Variants in HDAC9 observed in about 807,000 individuals in gnomAD.
The protein encoded by HDAC9 is histone deacetylase 9, also known as MEF-2 interacting transcription repressor (MITR) protein.
Under a neutral mutation model 139.4 loss-of-function variants are expected in HDAC9, and 41 were observed. The ratio of observed to expected loss-of-function variants is 0.29; its 90% CI spans 0.23 to 0.38. The LOEUF is 0.38. Among genes scored for constraint, HDAC9 ranks in the 10% least tolerant of loss-of-function variants. The pLI is 1.00. For synonymous variants in HDAC9, 517 were observed against 476.2 expected (o/e 1.09, Z -1.12); for missense variants, 1,147 against 1,297.0 (o/e 0.88, Z 1.78).
chr7:18,952,947 T>A (rs1782902510), intron 23 of HDAC9, among the ~76,000 whole-genome samples: 1 of 151,920 alleles, frequency 6.6e-6, no homozygotes, highest in South Asian at 2.1e-4. Flanking sequence ...TGTATAAATA[T>A]CCCTGAGCTA....
chr7:18,976,561 G>GTATC (rs1784565196), intron 25 of HDAC9, among the ~76,000 whole-genome samples: 4 of 152,184 alleles, frequency 2.6e-5, no homozygotes, highest in Admixed American at 2.6e-4. Flanking sequence ...TGGTTTTAAT[G>GTATC]TATCTTCTTA....
At chr7:18,976,513 T>G (rs1050389762) in intron 25 of HDAC9, among the ~76,000 whole-genome samples, 79 of 152,176 alleles carry the variant, frequency 5.2e-4, no homozygotes, top group African/African-American at 1.8e-3. Flanking sequence ...TGTGTGAACT[T>G]GGGGCTGATT....
chr7:18,206,464 C>G (rs1226513696), intron 2 of HDAC9, among the ~76,000 whole-genome samples: 3 of 151,990 alleles, frequency 2.0e-5, no homozygotes, highest in Non-Finnish European at 4.4e-5. Context: ...GTAAATAAAT[C>G]CCAATGGAGG....
At chr7:18,787,627 T>A (rs2129175506) in intron 16 of HDAC9, among the ~76,000 whole-genome samples, 1 of 152,314 alleles carries the variant, frequency 6.6e-6, no homozygotes, top group African/African-American at 2.4e-5. Flanking sequence ...TAGGAATATT[T>A]AGGGATTTCC....
At chr7:18,662,874 G>A (rs1047333230) in intron 11 of HDAC9, among the ~76,000 whole-genome samples, 2 of 152,084 alleles carry the variant, frequency 1.3e-5, no homozygotes, top group African/African-American at 4.8e-5. Flanking sequence ...CAGCATGATC[G>A]TAATTTGTTT....
chr7:18,098,052 C>T (rs1253647056), intron 1 of HDAC9, among the ~76,000 whole-genome samples: 2 of 152,116 alleles, frequency 1.3e-5, no homozygotes, highest in Non-Finnish European at 2.9e-5. Flanking sequence ...GCCCTTTTAC[C>T]CTTTCTGGTC....
chr7:18,390,879 A>G (rs1000960024), intron 1 of HDAC9, among the ~76,000 whole-genome samples: 5 of 152,186 alleles, frequency 3.3e-5, no homozygotes, highest in Non-Finnish European at 1.5e-5. Flanking sequence ...ACTTGAGGTG[A>G]GTAGTTCAAG....
Position 18,647,900 on chromosome 7 carries a change from T to C in HDAC9, c.1151T>C (p.Val384Ala). ...SIPASSSHPH[V>A]TLEGKPPNSS... Reference sequence around the variant, plus strand: ...CCGGCATCTTCCAGCCACCCTCATGTTACTTTAGAGGGAAAGCCACCCAAC... The same window carrying C: ...CCGGCATCTTCCAGCCACCCTCATGCTACTTTAGAGGGAAAGCCACCCAAC... Residue 384 changes from valine to alanine, a missense_variant, in exon 10 of 26, where the codon GTT (valine) becomes GCT (alanine). This residue lies in a region of HDAC9 where 264 missense variants were observed against 273.8 expected (regional missense o/e 0.96). Coordinates refer to ENST00000686413, the MANE Select transcript of HDAC9 (RefSeq NM_178425.4). The C allele has an allele frequency of 1.9e-6, 3 of 1,612,992 alleles. No homozygotes were observed. Among genetic ancestry groups the C allele is most frequent in the Non-Finnish European group, 2.5e-6 (3 of 1,179,502 alleles).
At chr7:18,430,262 T>TATA (rs2128761340) in intron 1 of HDAC9, among the ~76,000 whole-genome samples, 1 of 152,296 alleles carries the variant, frequency 6.6e-6, no homozygotes, top group African/African-American at 2.4e-5. Context: ...CTTGCTCTAT[T>TATA]GCCCAGGCTG....
chr7:18,967,057 A>T (rs1429821968), intron 24 of HDAC9, among the ~76,000 whole-genome samples: 1 of 152,252 alleles, frequency 6.6e-6, no homozygotes, highest in Admixed American at 6.5e-5. Flanking sequence ...GATATTCATT[A>T]TTCATCAGGG....
intron 6 of HDAC9, among the ~76,000 whole-genome samples, chr7:18,627,812 T>C (rs1842101911): frequency 1.3e-5 from 2 of 152,132 alleles, no homozygotes; most frequent in South Asian, 4.1e-4. Context: ...CTTTTGGTTT[T>C]TTTATCTTTT....
chr7:18,746,098 T>C (rs936824685), intron 13 of HDAC9, among the ~76,000 whole-genome samples: 5 of 150,924 alleles, frequency 3.3e-5, no homozygotes, highest in African/African-American at 4.9e-5. Context: ...TTCAAATTCC[T>C]GGGCTCAAGC....
chr7:18,558,199 A>G (rs920735455), intron 2 of HDAC9, among the ~76,000 whole-genome samples: 2 of 152,266 alleles, frequency 1.3e-5, no homozygotes, highest in South Asian at 4.1e-4. Context: ...CATGTTTTAC[A>G]TACTTTATTC....
intron 1 of HDAC9, among the ~76,000 whole-genome samples, chr7:18,310,827 CACACACACA>C (rs1799264565): frequency 6.6e-6 from 1 of 151,370 alleles, no homozygotes; most frequent in African/African-American, 2.4e-5. Context: ...CACACACACA[CACACACACA>C]CACACACACA....
intron 7 of HDAC9, among the ~76,000 whole-genome samples, chr7:18,631,220 C>A (rs1300741459): frequency 1.3e-5 from 2 of 152,082 alleles, no homozygotes; most frequent in African/African-American, 4.8e-5. Flanking sequence ...AAATATATTT[C>A]TCTTCTTAAT....
At chr7:18,910,312 A>G (rs1802631477) in intron 22 of HDAC9, among the ~76,000 whole-genome samples, 1 of 151,920 alleles carries the variant, frequency 6.6e-6, no homozygotes, top group Non-Finnish European at 1.5e-5. Context: ...TTTTGAAGCT[A>G]TTGCCCATTG....
At chr7:18,655,717 A>C (rs1459380735) in intron 11 of HDAC9, among the ~76,000 whole-genome samples, 3 of 152,218 alleles carry the variant, frequency 2.0e-5, no homozygotes, top group Admixed American at 1.3e-4. Flanking sequence ...CTTGGAGACC[A>C]AGGGAAGGGA....
intron 2 of HDAC9, among the ~76,000 whole-genome samples, chr7:18,237,314 A>G (rs559076724): frequency 2.6e-5 from 4 of 152,360 alleles, no homozygotes; most frequent in Non-Finnish European, 5.9e-5. Context: ...TGTAACTGAC[A>G]TAGTAATTTA....
intron 8 of HDAC9, among the ~76,000 whole-genome samples, chr7:18,637,825 G>A (rs1037242126): frequency 4.6e-5 from 7 of 151,962 alleles, no homozygotes; most frequent in Admixed American, 1.3e-4. Context: ...ATTCATTCTC[G>A]ATAGGTGAGG....
Sources: gnomAD v4.1 joint callset for allele counts (sites outside exome capture counted in the v4.1 genomes callset) on GRCh38, gnomAD v4.1.1 for gene constraint, gnomAD v4.1.1 regional missense constraint, MANE v1.5 for transcripts, NCBI Gene and HGNC (gene_info 2026-07-23, HGNC 2026-07-21) for gene names.